Variants in GALK1 observed in about 807,000 individuals in gnomAD.
GALK1 encodes galactokinase 1.
GALK1 carries 30 observed loss-of-function variants against 38.6 expected under a neutral mutation model. That is an observed-to-expected ratio of 0.78 (90% CI 0.58 to 1.05). The LOEUF (loss-of-function observed/expected upper bound fraction) is 1.05, where lower values mean the gene tolerates loss of function less well. Ranked by LOEUF, GALK1 falls within the 50% of genes least tolerant of loss-of-function variation. GALK1 has a pLI of 0.00. For synonymous variants in GALK1, 240 were observed against 233.6 expected (o/e 1.03, Z -0.25); for missense variants, 512 against 540.5 (o/e 0.95, Z 0.52).
chr17:75,754,651 G>T, downstream of GALK1: 1 of 1,613,990 alleles, frequency 6.2e-7, no homozygotes, highest in South Asian at 1.1e-5. Context: ...ACCACGACCA[G>T]TGCTGCTGCC....
intron 1 of GALK1, 132 bp downstream of exon 1, chr17:75,764,840 G>T: frequency 1.0e-6 from 1 of 971,978 alleles, no homozygotes; most frequent in Non-Finnish European, 1.6e-6. Context: ...TCCGTGCACC[G>T]GTGCTCCAGG....
chr17:75,756,246 A>C (rs1395027825), downstream of GALK1, among the ~76,000 whole-genome samples: 2 of 151,930 alleles, frequency 1.3e-5, no homozygotes, highest in Non-Finnish European at 2.9e-5. Context: ...TACAGGCTCC[A>C]CTCTTGTATA....
intron 5 of GALK1, among the ~76,000 whole-genome samples, chr17:75,760,413 C>T (rs1377821837): frequency 6.6e-6 from 1 of 151,096 alleles, no homozygotes; most frequent in African/African-American, 2.4e-5. Flanking sequence ...ATACTTGTGT[C>T]TCTTGACTCT....
At chr17:75,758,399 G>C in intron 6 of GALK1, 27 bp from the exon 7 acceptor site, 1 of 1,577,702 alleles carries the variant, frequency 6.3e-7, no homozygotes, top group Non-Finnish European at 8.6e-7. Context: ...GAAGGGGTGG[G>C]CCTGGGCCGG....
At chr17:75,757,320 G>T (rs1358933918), downstream of GALK1, 1 of 1,612,450 alleles carries the variant, frequency 6.2e-7, no homozygotes, top group African/African-American at 1.3e-5. Flanking sequence ...GGTGAGCACT[G>T]AGGGCTAGGG....
intron 5 of GALK1, among the ~76,000 whole-genome samples, chr17:75,759,291 C>T (rs367747252): frequency 1.3e-5 from 2 of 151,860 alleles, no homozygotes; most frequent in Non-Finnish European, 1.5e-5. Flanking sequence ...AGCCGGGCAT[C>T]GTGGCAGGCG....
At chr17:75,754,762 ACT>A, downstream of GALK1, 1 of 1,612,106 alleles carries the variant, frequency 6.2e-7, no homozygotes, top group South Asian at 1.1e-5. Context: ...GAACACTCAC[ACT>A]CGACCACACT....
At chr17:75,756,717 T>C, downstream of GALK1, 1 of 1,613,256 alleles carries the variant, frequency 6.2e-7, no homozygotes, top group Non-Finnish European at 8.5e-7. Flanking sequence ...CCGCCTTCAC[T>C]TTGAGCACTC....
At chr17:75,764,219 G>A in intron 1 of GALK1, 133 bp from the exon 2 acceptor site, 1 of 923,604 alleles carries the variant, frequency 1.1e-6, no homozygotes, top group African/African-American at 1.6e-5. Flanking sequence ...AGCGTCGCAG[G>A]GAAGATCCTG....
chr17:75,764,180 C>T, intron 1 of GALK1, 94 bp from the exon 2 acceptor site: 2 of 1,145,634 alleles, frequency 1.7e-6, no homozygotes, highest in South Asian at 2.5e-5. Context: ...GATGCCTCCA[C>T]AGTCATCAGG....
downstream of GALK1, chr17:75,755,779 T>G (rs2061483940): frequency 6.2e-7 from 1 of 1,612,348 alleles, no homozygotes; most frequent in Non-Finnish European, 8.5e-7. Context: ...TCTCTCAGAG[T>G]GAGCTGGCAG....
chr17:75,755,628 G>C, downstream of GALK1: 1 of 1,585,724 alleles, frequency 6.3e-7, no homozygotes. Context: ...AGGGAGGTCA[G>C]GGGGCAGCAC....
intron 5 of GALK1, among the ~76,000 whole-genome samples, chr17:75,759,385 G>A (rs1442449513): frequency 1.3e-5 from 2 of 151,366 alleles, no homozygotes; most frequent in East Asian, 1.9e-4. Context: ...TGGAGATCAT[G>A]CCACTGCACT....
At chr17:75,754,545 C>A, downstream of GALK1, 3 of 1,612,882 alleles carry the variant, frequency 1.9e-6, no homozygotes, top group Non-Finnish European at 2.5e-6. Context: ...TGGGGCAGGC[C>A]TGACCAAGGG....
intron 1 of GALK1, 77 bp downstream of exon 1, chr17:75,764,895 A>G: frequency 4.0e-6 from 6 of 1,499,350 alleles, no homozygotes; most frequent in Non-Finnish European, 4.5e-6. Context: ...ACTCGCCCCC[A>G]GCGTCCCCGA....
At chr17:75,764,683 T>C in intron 1 of GALK1, 1 of 570,154 alleles carries the variant, frequency 1.8e-6, no homozygotes. Context: ...GCCTCACAGT[T>C]TAAGGGGAAC....
intron 5 of GALK1, among the ~76,000 whole-genome samples, chr17:75,760,983 CA>C (rs2061584958): frequency 6.6e-6 from 1 of 152,092 alleles, no homozygotes; most frequent in Non-Finnish European, 1.5e-5. Flanking sequence ...GTGGGCAGAT[CA>C]CCAGGTCAGG....
downstream of GALK1, chr17:75,757,701 C>T (rs1206662471): frequency 2.6e-6 from 3 of 1,154,374 alleles, no homozygotes; most frequent in South Asian, 3.8e-5. Context: ...TCCTGGGAGG[C>T]ATGAAGGGGG....
At chr17:75,757,219 C>T (rs768544735), downstream of GALK1, 2 of 1,611,646 alleles carry the variant, frequency 1.2e-6, no homozygotes, top group Non-Finnish European at 1.7e-6. Flanking sequence ...CGCAGCTGGG[C>T]AGCCGTGCCG....
Sources: gnomAD v4.1 joint callset for allele counts (sites outside exome capture counted in the v4.1 genomes callset) on GRCh38, gnomAD v4.1.1 for gene constraint, MANE v1.5 for transcripts, NCBI Gene and HGNC (gene_info 2026-07-23, HGNC 2026-07-21) for gene names.